SHTN1: variants seen among roughly 807,000 people sequenced by gnomAD.
SHTN1 encodes shootin 1, also known as shootin-1.
Under a neutral mutation model 83.1 loss-of-function variants are expected in SHTN1, and 42 were observed. The observed-to-expected ratio is 0.51, with a 90% confidence interval of 0.39 to 0.65. The LOEUF (loss-of-function observed/expected upper bound fraction) is 0.65. Ranked by LOEUF, SHTN1 falls within the 30% of genes least tolerant of loss-of-function variation. The probability of loss-of-function intolerance (pLI) is 0.00; values close to 1 mark genes in which losing one functional copy is unlikely to be tolerated. For missense variants in SHTN1, 622 were observed against 737.8 expected (o/e 0.84, Z 1.82); for synonymous variants, 224 against 247.7 (o/e 0.90, Z 0.90).
At chr10:117,030,214 G>A (rs902777338) in intron 2 of SHTN1, among the ~76,000 whole-genome samples, 5 of 151,978 alleles carry the variant, frequency 3.3e-5, no homozygotes, top group Non-Finnish European at 7.4e-5. Context: ...CCTAGTCTCA[G>A]GTATTTATAG....
At chr10:117,033,649 A>C (rs1335166519) in intron 2 of SHTN1, among the ~76,000 whole-genome samples, 1 of 152,166 alleles carries the variant, frequency 6.6e-6, no homozygotes, top group African/African-American at 2.4e-5. Flanking sequence ...CAGAAAATAG[A>C]GGAGGGAATA....
chr10:116,956,363 CAACT>C (rs1252023566), intron 4 of SHTN1, among the ~76,000 whole-genome samples: 4 of 152,180 alleles, frequency 2.6e-5, no homozygotes, highest in African/African-American at 9.7e-5. Context: ...TCTGCCTCTA[CAACT>C]AACCTAATCC....
intron 3 of SHTN1, among the ~76,000 whole-genome samples, chr10:116,967,038 T>G (rs933449900): frequency 6.6e-6 from 1 of 152,250 alleles, no homozygotes; most frequent in African/African-American, 2.4e-5. Context: ...ACCATAATGC[T>G]GCATTTGTAT....
chr10:116,963,227 A>G (rs926431498), intron 3 of SHTN1, among the ~76,000 whole-genome samples: 4 of 149,200 alleles, frequency 2.7e-5, no homozygotes, highest in Non-Finnish European at 5.9e-5. Context: ...GCCCGCCATC[A>G]CGCCCGGCTA....
intron 2 of SHTN1, among the ~76,000 whole-genome samples, chr10:116,972,192 C>G (rs1024823273): frequency 3.9e-5 from 6 of 152,214 alleles, no homozygotes; most frequent in African/African-American, 1.4e-4. Flanking sequence ...TGGGTTCACA[C>G]TAATCCTATG....
At chr10:117,125,694 G>A (rs1305122747) in intron 1 of SHTN1, among the ~76,000 whole-genome samples, 1 of 151,978 alleles carries the variant, frequency 6.6e-6, no homozygotes, top group African/African-American at 2.4e-5. Context: ...TTCTCCCTGG[G>A]ATGCCCTGGT....
intron 1 of SHTN1, among the ~76,000 whole-genome samples, chr10:117,003,130 G>C (rs1397926153): frequency 1.3e-5 from 2 of 151,902 alleles, no homozygotes; most frequent in Non-Finnish European, 2.9e-5. Context: ...TTCGAAAACT[G>C]ACCAACCATA....
intron 16 of SHTN1, among the ~76,000 whole-genome samples, chr10:116,899,952 T>C (rs1847672945): frequency 6.6e-6 from 1 of 152,188 alleles, no homozygotes; most frequent in South Asian, 2.1e-4. Flanking sequence ...AAAGCTTACA[T>C]GTAACTACAT....
At chr10:117,005,439 C>T, upstream of SHTN1, 4 of 1,068,814 alleles carry the variant, frequency 3.7e-6, no homozygotes, top group Non-Finnish European at 4.5e-6. Context: ...GCACCCTTTT[C>T]TCCGCCTCCA....
rs201039077 is a variant in SHTN1 at position 116,962,047 on chromosome 10, C to G, written c.173-1817G>C. Among the ~76,000 whole-genome samples the G allele has an allele frequency of 9.6e-5, 12 of 124,922 alleles. No homozygotes were observed. In the East Asian group the frequency reaches 2.3e-3, roughly 24 times the overall value. 82.0% of individuals were successfully genotyped at this position (124,922 alleles called of 152,430 possible). A position where few individuals can be genotyped will look rare whatever the true frequency, so the allele number is the denominator to read the frequency against. On this transcript the variant is annotated intron_variant, in intron 3 of 16. Coordinates refer to ENST00000355371, the MANE Select transcript of SHTN1 (RefSeq NM_001127211.3). ...AATGATTGTGTGTTGAAGCTCCCCC[C>G]CCCTTCCACATCACCCCCCTTCTTC...
intron 2 of SHTN1, among the ~76,000 whole-genome samples, chr10:116,978,606 A>G (rs1177128133): frequency 1.3e-5 from 2 of 151,124 alleles, no homozygotes; most frequent in Non-Finnish European, 2.9e-5. Flanking sequence ...ATATATATAT[A>G]TATTATTAGC....
chr10:116,958,163 T>C lies in SHTN1; in HGVS notation c.267+1973A>G, dbSNP rs182439982. 4.5e-3 allele frequency among the ~76,000 whole-genome samples: 680 copies of C among 152,290 alleles called. 6 individuals are homozygous for C. The highest frequency in any genetic ancestry group is 0.02 in the Middle Eastern group (6 of 294). On this transcript the variant is annotated intron_variant, in intron 4 of 16. Transcript: ENST00000355371. ...AAAAATTTAGAAAAATAAGAATTTA[T>C]AGAAACTTTGCTCTCAGGAAAAAAA...
At chr10:117,109,236 C>G (rs950847532) in intron 1 of SHTN1, among the ~76,000 whole-genome samples, 3 of 152,130 alleles carry the variant, frequency 2.0e-5, no homozygotes, top group East Asian at 1.9e-4. Flanking sequence ...GACCACCCCC[C>G]ACCACTGCTT....
chr10:117,118,156 A>G (rs1414862663), intron 1 of SHTN1, among the ~76,000 whole-genome samples: 2 of 152,088 alleles, frequency 1.3e-5, no homozygotes, highest in African/African-American at 4.8e-5. Context: ...AAGGGATTAA[A>G]AACCAGACTA....
chr10:116,966,636 C>T (rs1050453804), intron 3 of SHTN1, among the ~76,000 whole-genome samples: 11 of 152,118 alleles, frequency 7.2e-5, no homozygotes, highest in African/African-American at 1.9e-4. Context: ...AATGTTACTT[C>T]GAAGGTTGAT....
chr10:116,966,871 T>C (rs1336476465), intron 3 of SHTN1, among the ~76,000 whole-genome samples: 1 of 152,128 alleles, frequency 6.6e-6, no homozygotes, highest in Non-Finnish European at 1.5e-5. Context: ...ATTCCATAAG[T>C]AAAAAAGTAC....
intron 1 of SHTN1, among the ~76,000 whole-genome samples, chr10:116,985,911 T>G (rs1310694628): frequency 6.6e-6 from 1 of 152,236 alleles, no homozygotes; most frequent in African/African-American, 2.4e-5. Context: ...AACTTACTTG[T>G]TAATTAAAGC....
chr10:116,993,794 G>T (rs61872995), intron 1 of SHTN1, among the ~76,000 whole-genome samples: 1 of 151,984 alleles, frequency 6.6e-6, no homozygotes, highest in Non-Finnish European at 1.5e-5. Context: ...CAAAGGTTTC[G>T]CAATCTCTTT....
In SHTN1 at chr10:116,906,645, C is replaced by T. The variant is rs1252443145; in HGVS notation, c.1462G>A (p.Ala488Thr). The T allele has an allele frequency of 2.5e-6, 4 of 1,613,112 alleles. No homozygotes were observed. The highest frequency in any genetic ancestry group is 3.4e-6 in the Non-Finnish European group (4 of 1,179,482). ...GGCTTACTACTGCTATCTGCTTCTGCTGTCACCTTTCTGCGACGCAAAATC... is the reference window on the plus strand; with the variant it reads ...GGCTTACTACTGCTATCTGCTTCTGTTGTCACCTTTCTGCGACGCAAAATC... ...ERILRRRKVT[A>T]EADSSSPTGI... Residue 488 changes from alanine (A) to threonine (T), a missense_variant, in exon 15 of 17, where the codon GCA becomes ACA. Physicochemically the swap from Ala to Thr is moderately conservative, Grantham distance 58. This residue lies in a region of SHTN1 where 231 missense variants were observed against 251.6 expected (regional missense o/e 0.92). Transcript: ENST00000355371.
Sources: allele counts gnomAD v4.1 joint callset (sites outside exome capture counted in the v4.1 genomes callset), GRCh38; gene constraint gnomAD v4.1.1; regional missense constraint gnomAD v4.1.1; transcripts MANE v1.5; gene names NCBI Gene and HGNC (gene_info 2026-07-23, HGNC 2026-07-21).